ZDHHC7: variants seen among roughly 807,000 people sequenced by gnomAD.
ZDHHC7 encodes palmitoyltransferase ZDHHC7.
A neutral mutation model predicts 34.1 loss-of-function variants in ZDHHC7; 12 were observed. The observed-to-expected ratio is 0.35, with a 90% CI of 0.23 to 0.57. The LOEUF (loss-of-function observed/expected upper bound fraction) is 0.57. Ranked by LOEUF, ZDHHC7 falls within the 20% of genes least tolerant of loss-of-function variation. The pLI is 0.84. For missense variants in ZDHHC7, 388 were observed against 402.7 expected (o/e 0.96, Z 0.31); for synonymous variants, 185 against 155.4 (o/e 1.19, Z -1.42).
chr16:84,986,487 C>T (rs922645361), intron 3 of ZDHHC7, among the ~76,000 whole-genome samples: 4 of 152,222 alleles, frequency 2.6e-5, no homozygotes, highest in Non-Finnish European at 4.4e-5. Flanking sequence ...GGCTCGTAGG[C>T]ATCCACGGGG....
chr16:85,011,675 C>T (rs2072796153), upstream of ZDHHC7: 1 of 152,270 alleles, frequency 6.6e-6, no homozygotes, highest in Non-Finnish European at 1.5e-5. Flanking sequence ...AGCTTTTAGT[C>T]ACAGCCCCTC....
At chr16:84,977,334 G>A in intron 6 of ZDHHC7, 109 bp from the exon 7 acceptor site, 2 of 1,431,916 alleles carry the variant, frequency 1.4e-6, no homozygotes, top group Non-Finnish European at 1.9e-6. Context: ...GCTTCCAGGG[G>A]GAAGTTGTTC....
At chr16:85,019,804 C>G in the ZDHHC7 span, among the ~76,000 whole-genome samples, 1 of 152,116 alleles carries the variant, frequency 6.6e-6, no homozygotes, top group East Asian at 1.9e-4. Flanking sequence ...ATGATTGGTC[C>G]CTTTTCTAGA....
intron 1 of ZDHHC7, among the ~76,000 whole-genome samples, chr16:84,998,298 G>A (rs1279596974): frequency 6.6e-6 from 1 of 151,898 alleles, no homozygotes; most frequent in Non-Finnish European, 1.5e-5. Context: ...CGGGTCAGGA[G>A]GTCCACCTTC....
chr16:85,026,970 A>G, the ZDHHC7 span, among the ~76,000 whole-genome samples: 1 of 152,124 alleles, frequency 6.6e-6, no homozygotes, highest in Non-Finnish European at 1.5e-5. Flanking sequence ...ATGTTTCTAT[A>G]CTTCCTCTAC....
intron 1 of ZDHHC7, among the ~76,000 whole-genome samples, chr16:85,004,759 T>G (rs533803783): frequency 6.6e-6 from 1 of 151,816 alleles, no homozygotes; most frequent in Admixed American, 6.6e-5. Context: ...CAAGAAAAAG[T>G]AGAAAGGAAG....
intron 4 of ZDHHC7, 152 bp from the exon 5 acceptor site, chr16:84,979,437 G>A (rs945187190): frequency 8.2e-7 from 1 of 1,217,082 alleles, no homozygotes; most frequent in Non-Finnish European, 1.1e-6. Context: ...ATTCCTTTAA[G>A]GTTTATCATT....
intron 1 of ZDHHC7, among the ~76,000 whole-genome samples, chr16:85,000,672 T>A (rs59113051): frequency 0.17 from 25,726 of 152,006 alleles, 2,974 homozygotes; most frequent in East Asian, 0.33. Context: ...GGACAGAAGG[T>A]TACAAAACAA....
At position 84,974,796 on chromosome 16, in the gene ZDHHC7, ACCCC is replaced by A. The variant is rs1035421879; in HGVS notation, c.*1543_*1546del. 1 of 152,242 alleles carries A rather than the reference ACCCC, an allele frequency of 6.6e-6. No homozygotes were observed. The highest frequency in any genetic ancestry group is 1.5e-5 in the Non-Finnish European group (1 of 67,958). 9.4% of individuals were successfully genotyped at this position (152,242 alleles called of 1,614,324 possible). ...CTGCGGTGACCAAGTCCACTTCCAA[ACCCC>A]CTGCAGGTTTGCTCGCTTGGCTAGG... On this transcript the variant is annotated 3_prime_UTR_variant, in exon 8 of 8. Coordinates refer to ENST00000313732, the MANE Select transcript of ZDHHC7 (RefSeq NM_017740.3).
chr16:84,995,408 T>C (rs2072563708), intron 2 of ZDHHC7, among the ~76,000 whole-genome samples: 1 of 152,144 alleles, frequency 6.6e-6, no homozygotes, highest in Non-Finnish European at 1.5e-5. Flanking sequence ...AGTGGATCAC[T>C]TGTGGTCAGG....
At chr16:84,978,192 G>A (rs549747102) in intron 5 of ZDHHC7, 187 bp from the exon 6 acceptor site, 16 of 475,070 alleles carry the variant, frequency 3.4e-5, no homozygotes, top group East Asian at 1.1e-4. Flanking sequence ...CACCATGCCC[G>A]GCTAACTGTT....
At chr16:84,978,955 T>C (rs1473212430) in intron 5 of ZDHHC7, among the ~76,000 whole-genome samples, 1 of 151,876 alleles carries the variant, frequency 6.6e-6, no homozygotes, top group Non-Finnish European at 1.5e-5. Flanking sequence ...ACAATAGCGA[T>C]TGAGGACATC....
At chr16:85,021,699 C>T in the ZDHHC7 span, among the ~76,000 whole-genome samples, 1 of 149,530 alleles carries the variant, frequency 6.7e-6, no homozygotes, top group Non-Finnish European at 1.5e-5. Flanking sequence ...GCCTGGGCAA[C>T]AGAGCAAGAC....
intron 4 of ZDHHC7, among the ~76,000 whole-genome samples, chr16:84,981,515 G>T (rs1195707368): frequency 6.6e-6 from 1 of 152,202 alleles, no homozygotes. Context: ...CCCCCACACA[G>T]GATGTGCCCA....
chr16:84,988,428 C>G (rs555607614), intron 3 of ZDHHC7, among the ~76,000 whole-genome samples: 2 of 152,272 alleles, frequency 1.3e-5, no homozygotes, highest in South Asian at 4.1e-4. Context: ...TCAAAACACC[C>G]CTGACATCCA....
chr16:84,980,326 A>G (rs1232444007), intron 4 of ZDHHC7, among the ~76,000 whole-genome samples: 2 of 151,944 alleles, frequency 1.3e-5, no homozygotes, highest in African/African-American at 4.8e-5. Flanking sequence ...ACAGCACCTG[A>G]CTTCCAAAAC....
At chr16:84,992,487 A>G (rs545649776) in intron 2 of ZDHHC7, among the ~76,000 whole-genome samples, 13 of 152,272 alleles carry the variant, frequency 8.5e-5, no homozygotes, top group Admixed American at 4.6e-4. Flanking sequence ...ACAAAAAGAA[A>G]AAAGTGCACT....
chr16:85,016,758 C>T, the ZDHHC7 span, among the ~76,000 whole-genome samples: 3 of 152,164 alleles, frequency 2.0e-5, 1 homozygote, highest in South Asian at 4.1e-4. Context: ...CCACACCTGT[C>T]TCGTTAAAAT....
the ZDHHC7 span, among the ~76,000 whole-genome samples, chr16:85,020,387 T>G: frequency 6.6e-6 from 1 of 152,254 alleles, no homozygotes; most frequent in Admixed American, 6.5e-5. Context: ...CTGCCTGTTA[T>G]GGAGCTTAGA....
Sources: allele counts gnomAD v4.1 joint callset (sites outside exome capture counted in the v4.1 genomes callset), GRCh38; gene constraint gnomAD v4.1.1; transcripts MANE v1.5; gene names NCBI Gene and HGNC (gene_info 2026-07-23, HGNC 2026-07-21).